The following EMCN variants were observed in gnomAD, a reference collection of about 807,000 sequenced individuals.
EMCN encodes the protein MUC-14.
A neutral mutation model predicts 38.4 loss-of-function variants in EMCN; 37 were observed. The ratio of observed to expected loss-of-function variants is 0.96; its 90% confidence interval spans 0.74 to 1.27. EMCN has a LOEUF of 1.27. EMCN is among the 50% of genes most tolerant of loss of function. The pLI is 0.00. For synonymous variants in EMCN, 95 were observed against 100.8 expected (o/e 0.94, Z 0.35); for missense variants, 318 against 302.8 (o/e 1.05, Z -0.37).
chr4:100,468,474 G>A (rs1199307205), intron 3 of EMCN, among the ~76,000 whole-genome samples: 1 of 152,024 alleles, frequency 6.6e-6, no homozygotes, highest in Non-Finnish European at 1.5e-5. Flanking sequence ...TATTCCTTTG[G>A]AATTACATAA....
chr4:100,440,912 C>G (rs967228937), intron 5 of EMCN, among the ~76,000 whole-genome samples: 1 of 151,674 alleles, frequency 6.6e-6, no homozygotes, highest in African/African-American at 2.4e-5. Flanking sequence ...GGTGAAACCC[C>G]GTCTTGACTA....
intron 11 of EMCN, among the ~76,000 whole-genome samples, chr4:100,403,551 T>G (rs780472901): frequency 6.6e-6 from 1 of 152,062 alleles, no homozygotes; most frequent in Admixed American, 6.6e-5. Flanking sequence ...GTCATGTGAT[T>G]TGGTAGTAAA....
At chr4:100,422,822 C>CTTTTTTTTTTT (rs71878999) in intron 7 of EMCN, among the ~76,000 whole-genome samples, 199 bp downstream of exon 7, 2 of 122,652 alleles carry the variant, frequency 1.6e-5, no homozygotes, top group African/African-American at 2.7e-5. Context: ...TCTTTCTTTT[C>CTTTTTTTTTTT]TTTTTTTTTT....
intron 4 of EMCN, among the ~76,000 whole-genome samples, chr4:100,456,241 C>T (rs1728014290): frequency 6.6e-6 from 1 of 152,066 alleles, no homozygotes; most frequent in Admixed American, 6.6e-5. Flanking sequence ...TATCTAGTTT[C>T]TATTGTTATG....
rs1403546298 is a variant in EMCN at position 100,396,232 on chromosome 4, A to C, written c.*2181T>G. 1 of 152,160 alleles carries C rather than the reference A, an allele frequency of 6.6e-6. No homozygotes were observed. The highest frequency in any genetic ancestry group is 2.4e-5 in the African/African-American group (1 of 41,450). The allele number at this position is 152,160 out of a possible 1,614,324, so 9.4% of individuals were successfully genotyped here. A position where few individuals can be genotyped will look rare whatever the true frequency, so the allele number is the denominator to read the frequency against. On this transcript the variant is annotated 3_prime_UTR_variant, in exon 12 of 12. Transcript: ENST00000296420. ...CTCAATCCTCCTTTGACCTTTTTGAAAGATTTAATCTCATAGTTGTTAGAT... is the reference window on the plus strand; with the variant it reads ...CTCAATCCTCCTTTGACCTTTTTGACAGATTTAATCTCATAGTTGTTAGAT...
intron 11 of EMCN, among the ~76,000 whole-genome samples, chr4:100,405,644 T>A (rs1373248711): frequency 1.3e-5 from 2 of 152,154 alleles, no homozygotes; most frequent in East Asian, 3.8e-4. Flanking sequence ...TGTTGAGAAC[T>A]TTTGCATCTA....
intron 3 of EMCN, among the ~76,000 whole-genome samples, chr4:100,470,938 GA>G (rs1305175274): frequency 6.6e-6 from 1 of 151,922 alleles, no homozygotes; most frequent in Non-Finnish European, 1.5e-5. Flanking sequence ...AAAATTTACG[GA>G]ATGCAGAGAA....
chr4:100,443,251 T>G (rs1727572435), intron 5 of EMCN, among the ~76,000 whole-genome samples: 1 of 152,254 alleles, frequency 6.6e-6, no homozygotes. Context: ...CATGCTTCCT[T>G]GCTTTCATGT....
At chr4:100,495,621 C>A (rs917083403) in intron 1 of EMCN, among the ~76,000 whole-genome samples, 1 of 151,936 alleles carries the variant, frequency 6.6e-6, no homozygotes, top group East Asian at 1.9e-4. Context: ...GAAAACCAAT[C>A]GATGTAATCT....
intron 5 of EMCN, among the ~76,000 whole-genome samples, chr4:100,436,631 A>G (rs1727360543): frequency 6.6e-6 from 1 of 152,210 alleles, no homozygotes; most frequent in African/African-American, 2.4e-5. Flanking sequence ...TCAGTGATAG[A>G]CTGGATAAAC....
chr4:100,494,247 G>A (rs1000017266), intron 1 of EMCN, among the ~76,000 whole-genome samples: 4 of 152,174 alleles, frequency 2.6e-5, no homozygotes, highest in African/African-American at 7.2e-5. Flanking sequence ...CATCAAAAGA[G>A]TTACTTGTGG....
intron 5 of EMCN, among the ~76,000 whole-genome samples, chr4:100,440,669 T>A (rs771944078): frequency 9.9e-5 from 15 of 152,120 alleles, no homozygotes; most frequent in Non-Finnish European, 2.2e-4. Flanking sequence ...CACTCATTAA[T>A]CAATGGGTAC....
chr4:100,398,590 C>T (rs1726173486), intron 11 of EMCN, among the ~76,000 whole-genome samples: 1 of 151,936 alleles, frequency 6.6e-6, no homozygotes. Flanking sequence ...CAAACCTGTT[C>T]CCCTCACTTC....
At chr4:100,429,676 G>A (rs1343851982) in intron 5 of EMCN, among the ~76,000 whole-genome samples, 1 of 151,340 alleles carries the variant, frequency 6.6e-6, no homozygotes, top group African/African-American at 2.4e-5. Flanking sequence ...TAATTCTGTA[G>A]AAATATTTGT....
chr4:100,427,125 T>A (rs1727069697), intron 5 of EMCN, among the ~76,000 whole-genome samples: 1 of 152,104 alleles, frequency 6.6e-6, no homozygotes, highest in African/African-American at 2.4e-5. Flanking sequence ...AAAAATAACT[T>A]TTCAGCCTTT....
At chr4:100,452,185 A>G (rs1727861617) in intron 4 of EMCN, among the ~76,000 whole-genome samples, 1 of 152,162 alleles carries the variant, frequency 6.6e-6, no homozygotes, top group East Asian at 1.9e-4. Context: ...TAAAATGCGT[A>G]CTTGGTTATT....
At chr4:100,436,127 C>T (rs1279919297) in intron 5 of EMCN, among the ~76,000 whole-genome samples, 1 of 151,616 alleles carries the variant, frequency 6.6e-6, no homozygotes, top group Admixed American at 6.6e-5. Context: ...GCAATCTATC[C>T]ATATGATAAA....
At chr4:100,419,427 G>A (rs779356960) in intron 8 of EMCN, among the ~76,000 whole-genome samples, 3 of 152,116 alleles carry the variant, frequency 2.0e-5, no homozygotes, top group Non-Finnish European at 4.4e-5. Context: ...TTGTACAATT[G>A]CCAAACTTGA....
intron 11 of EMCN, among the ~76,000 whole-genome samples, chr4:100,405,337 T>TGTTCCCATTCA (rs986989370): frequency 2.6e-5 from 4 of 152,108 alleles, no homozygotes; most frequent in African/African-American, 7.2e-5. Context: ...TTCAGTCTGA[T>TGTTCCCATTCA]GTTGGTTGTG....
Sources: allele counts gnomAD v4.1 joint callset (sites outside exome capture counted in the v4.1 genomes callset), GRCh38; gene constraint gnomAD v4.1.1; transcripts MANE v1.5; gene names NCBI Gene and HGNC (gene_info 2026-07-23, HGNC 2026-07-21).